Variants in DOCK3 observed in about 807,000 individuals in gnomAD.
DOCK3 encodes dedicator of cytokinesis protein 3.
A neutral mutation model predicts 265.6 loss-of-function variants in DOCK3; 60 were observed. The observed-to-expected ratio is 0.23, with a 90% CI of 0.18 to 0.28. The LOEUF (loss-of-function observed/expected upper bound fraction) is 0.28, where lower values mean the gene tolerates loss of function less well. DOCK3 is among the 10% of genes least tolerant of loss of function. The probability of loss-of-function intolerance (pLI) is 1.00; values close to 1 mark genes in which losing one functional copy is unlikely to be tolerated. For synonymous variants in DOCK3, 881 were observed against 938.0 expected, an observed-to-expected ratio of 0.94 and a Z score of 1.11; for missense variants, 1,981 against 2,594.3, an observed-to-expected ratio of 0.76 and a Z score of 5.14.
rs140257152 is a variant in DOCK3 at position 51,356,941 on chromosome 3, CTG to C, written c.4504-16_4504-15del. 1,196 of 1,602,412 alleles carry C rather than the reference CTG, an allele frequency of 7.5e-4. 8 individuals are homozygous for C. The African/African-American group carries it at 0.014, about 19-fold the overall frequency. On this transcript the variant is annotated intron_variant, in intron 43 of 52. Coordinates refer to ENST00000266037, the MANE Select transcript of DOCK3 (RefSeq NM_004947.5). ...GGTTATCATCATTTCTGGGATGACTCTGTGTGCTGTGTGCCCCTAGGTGGAGG... is the reference window on the plus strand; with the variant it reads ...GGTTATCATCATTTCTGGGATGACTCTGTGCTGTGTGCCCCTAGGTGGAGG...
chr3:50,732,538 A>G (rs948511924), intron 1 of DOCK3, among the ~76,000 whole-genome samples: 4 of 152,080 alleles, frequency 2.6e-5, no homozygotes, highest in African/African-American at 4.8e-5. Flanking sequence ...CTGAGTACCT[A>G]GGACTACGGG....
At chr3:51,297,163 C>T (rs1481702050) in intron 27 of DOCK3, among the ~76,000 whole-genome samples, 1 of 144,482 alleles carries the variant, frequency 6.9e-6, no homozygotes, top group African/African-American at 2.6e-5. Context: ...AGAATGATAT[C>T]GCATCTCTAC....
intron 1 of DOCK3, among the ~76,000 whole-genome samples, chr3:50,696,649 A>T (rs2035638091): frequency 6.6e-6 from 1 of 152,092 alleles, no homozygotes; most frequent in Admixed American, 6.5e-5. Context: ...TGCAGCTACC[A>T]TCTTCCCTTT....
rs1244109161 is a variant in DOCK3, at chr3:51,312,900, T to C, written c.3251T>C (p.Leu1084Ser). ...GAACTGTTCAGCATGTGGCAGAATT[T>C]GGGTAGGTTTTTTCTCCCTATTCTT... ...AYELFSMWQN[L>S]GEHKIHFIPG... Residue 1084 changes from leucine to serine, a missense_variant and splice_region_variant, in exon 31 of 53, where the codon TTG becomes TCG. By Grantham distance (145) the Leu-to-Ser change is moderately radical (BLOSUM62 -2). Around this residue, in one of 4 missense-constraint regions of DOCK3, gnomAD observed 1,357 missense variants for 1,866.8 expected, o/e 0.73. Coordinates refer to ENST00000266037, the MANE Select transcript of DOCK3 (RefSeq NM_004947.5). 6.2e-7 allele frequency: 1 copy of C among 1,605,420 alleles called. No individual in the cohort carries two copies.
chr3:50,963,029 A>G (rs1180655201), intron 5 of DOCK3, among the ~76,000 whole-genome samples: 1 of 152,114 alleles, frequency 6.6e-6, no homozygotes, highest in East Asian at 1.9e-4. Flanking sequence ...TCTACTAAAT[A>G]TAAAAATTAG....
At chr3:51,314,872 C>G in intron 31 of DOCK3, 108 bp from the exon 32 acceptor site, 1 of 1,297,344 alleles carries the variant, frequency 7.7e-7, no homozygotes. Flanking sequence ...GCTTGTTTTG[C>G]TCTCAGAAGC....
rs563774517 is a variant in DOCK3 at position 50,993,010 on chromosome 3, C to T, written c.315+58933C>T. Among the ~76,000 whole-genome samples the T allele has an allele frequency of 8.5e-5, 13 of 152,310 alleles. No homozygotes were observed. In the South Asian group the frequency reaches 1.2e-3, roughly 15 times the overall value. ...AAGTACATTGGGCATCAAATTTACA[C>T]AAAGGCCATTAATGATTACACCCTT... On this transcript the variant is annotated intron_variant, in intron 5 of 52. Coordinates refer to ENST00000266037, the MANE Select transcript of DOCK3 (RefSeq NM_004947.5).
At chr3:50,722,898 A>AT (rs747975731) in intron 1 of DOCK3, among the ~76,000 whole-genome samples, 3 of 151,448 alleles carry the variant, frequency 2.0e-5, no homozygotes, top group South Asian at 4.2e-4. Flanking sequence ...CAGCCTCCCA[A>AT]GTAGCTGGGA....
In DOCK3 at chr3:51,338,811, C is replaced by T. The variant is rs951033685; in HGVS notation, c.3673-124C>T. 14 of 764,760 alleles carry T rather than the reference C, an allele frequency of 1.8e-5. No individual in the cohort carries two copies. The Admixed American group carries it at 2.7e-4, about 15-fold the overall frequency. The allele number at this position is 764,760 out of a possible 1,614,324, so 47.4% of individuals were successfully genotyped here. A position where few individuals can be genotyped will look rare whatever the true frequency, so the allele number is the denominator to read the frequency against. ...TGGCTGGTGCTTTCTCCTTCTGGTG[C>T]TGTCTGCCTCCAGGGCCTGCCCTCC... On this transcript the variant is annotated intron_variant, in intron 36 of 52. Coordinates refer to ENST00000266037, the MANE Select transcript of DOCK3 (RefSeq NM_004947.5).
chr3:50,921,996 A>C (rs1411419219), intron 4 of DOCK3, among the ~76,000 whole-genome samples: 1 of 152,138 alleles, frequency 6.6e-6, no homozygotes, highest in Non-Finnish European at 1.5e-5. Flanking sequence ...TAGGCTACTC[A>C]GCGGTAAAGG....
At chr3:50,901,693 A>G in intron 4 of DOCK3, 1 of 454,180 alleles carries the variant, frequency 2.2e-6, no homozygotes, top group Non-Finnish European at 4.4e-6. Context: ...CTCAAGGCAC[A>G]GTCCCTCATG....
intron 12 of DOCK3, among the ~76,000 whole-genome samples, chr3:51,195,330 G>T (rs1290725518): frequency 6.6e-6 from 1 of 151,992 alleles, no homozygotes; most frequent in African/African-American, 2.4e-5. Context: ...GTTGTGGTTT[G>T]CTGGACGTCT....
intron 5 of DOCK3, among the ~76,000 whole-genome samples, chr3:51,009,092 TC>T (rs1442168204): frequency 6.6e-5 from 10 of 152,162 alleles, no homozygotes; most frequent in Admixed American, 6.5e-4. Context: ...TTTTGTTGAG[TC>T]TCTGCCAGGC....
intron 2 of DOCK3, among the ~76,000 whole-genome samples, chr3:50,822,168 T>G (rs1024149688): frequency 1.3e-5 from 2 of 152,212 alleles, no homozygotes; most frequent in African/African-American, 4.8e-5. Context: ...TTGTGTCATC[T>G]CTGATTTCTT....
At chr3:51,019,543 G>A (rs1315073541) in intron 5 of DOCK3, among the ~76,000 whole-genome samples, 2 of 151,788 alleles carry the variant, frequency 1.3e-5, no homozygotes, top group South Asian at 2.1e-4. Flanking sequence ...GTGCTGTGGT[G>A]CTTTGCTGCA....
At chr3:51,302,145 C>T (rs1341996720) in intron 27 of DOCK3, among the ~76,000 whole-genome samples, 1 of 151,148 alleles carries the variant, frequency 6.6e-6, no homozygotes, top group Middle Eastern at 3.2e-3. Context: ...TTTAGGATAG[C>T]CCTTCTTGTT....
chr3:51,273,843 T>C (rs1217188597), intron 24 of DOCK3, among the ~76,000 whole-genome samples: 1 of 152,248 alleles, frequency 6.6e-6, no homozygotes, highest in Non-Finnish European at 1.5e-5. Context: ...CCAGATATGA[T>C]GGGACCTGCA....
chr3:51,277,826 A>G lies in DOCK3; in HGVS notation c.2823+72A>G, dbSNP rs188719768. The G allele has an allele frequency of 5.7e-4, 891 of 1,553,182 alleles. 5 individuals carry two copies. In the African/African-American group the frequency reaches 0.01, roughly 18 times the overall value. On this transcript the variant is annotated intron_variant, in intron 26 of 52. Coordinates refer to ENST00000266037, the MANE Select transcript of DOCK3 (RefSeq NM_004947.5). ...GGCTTCTCCACAACACTCCCCCTCC[A>G]TCTTACCATCCCACCACCTTCATCT...
chr3:51,143,957 G>A (rs575250706), intron 9 of DOCK3, among the ~76,000 whole-genome samples: 2 of 152,180 alleles, frequency 1.3e-5, no homozygotes, highest in African/African-American at 2.4e-5. Flanking sequence ...CAAGATACTT[G>A]TCTTCATTTT....
Sources: allele counts gnomAD v4.1 joint callset (sites outside exome capture counted in the v4.1 genomes callset), GRCh38; gene constraint gnomAD v4.1.1; regional missense constraint gnomAD v4.1.1; transcripts MANE v1.5; gene names NCBI Gene and HGNC (gene_info 2026-07-23, HGNC 2026-07-21).